NEGR1: variants seen among roughly 807,000 people sequenced by gnomAD.
NEGR1 encodes neuronal growth regulator 1, also known as IgLON family member 4.
Under a neutral mutation model 40.9 loss-of-function variants are expected in NEGR1, and 10 were observed. That is an observed-to-expected ratio of 0.24 (90% CI 0.15 to 0.42). The LOEUF (loss-of-function observed/expected upper bound fraction) is 0.42. Ranked by LOEUF, NEGR1 falls within the 10% of genes least tolerant of loss-of-function variation. NEGR1 has a pLI of 1.00. For missense variants in NEGR1, 352 were observed against 438.9 expected (o/e 0.80, Z 1.77); for synonymous variants, 185 against 166.8 (o/e 1.11, Z -0.84).
At chr1:71,802,678 A>G (rs1657604379) in intron 2 of NEGR1, among the ~76,000 whole-genome samples, 1 of 152,186 alleles carries the variant, frequency 6.6e-6, no homozygotes, top group South Asian at 2.1e-4. Flanking sequence ...AGTATTCTTA[A>G]GCCTTAAGAT....
intron 4 of NEGR1, among the ~76,000 whole-genome samples, chr1:71,690,020 T>A (rs987268975): frequency 6.6e-6 from 1 of 152,066 alleles, no homozygotes; most frequent in Admixed American, 6.6e-5. Flanking sequence ...ACAATTTGGA[T>A]GCTTTTGTCC....
At chr1:71,753,368 T>C (rs1303880508) in intron 3 of NEGR1, among the ~76,000 whole-genome samples, 1 of 152,156 alleles carries the variant, frequency 6.6e-6, no homozygotes, top group Non-Finnish European at 1.5e-5. Context: ...GGTAGAAGTA[T>C]ATTCAGCTCT....
intron 1 of NEGR1, among the ~76,000 whole-genome samples, chr1:72,070,658 T>G (rs2200484): frequency 1.3e-5 from 2 of 151,760 alleles, no homozygotes; most frequent in African/African-American, 2.4e-5. Context: ...TAACGCCATG[T>G]ATGTGAACAT....
chr1:71,831,614 C>A (rs1031808879), intron 2 of NEGR1, among the ~76,000 whole-genome samples: 1 of 151,844 alleles, frequency 6.6e-6, no homozygotes, highest in African/African-American at 2.4e-5. Context: ...GAGACACAAT[C>A]CTGTAAGCAG....
At chr1:71,524,388 T>G (rs181725462) in intron 6 of NEGR1, among the ~76,000 whole-genome samples, 16 of 150,462 alleles carry the variant, frequency 1.1e-4, no homozygotes, top group African/African-American at 2.9e-4. Context: ...TATTGTAAAA[T>G]TATTGGTAAT....
chr1:72,175,745 T>C (rs1380522272), intron 1 of NEGR1, among the ~76,000 whole-genome samples: 1 of 151,996 alleles, frequency 6.6e-6, no homozygotes, highest in Non-Finnish European at 1.5e-5. Flanking sequence ...AAATTATTAA[T>C]AATAATTTTA....
intron 6 of NEGR1, among the ~76,000 whole-genome samples, chr1:71,490,484 A>G (rs1437160052): frequency 6.6e-6 from 1 of 152,052 alleles, no homozygotes; most frequent in East Asian, 1.9e-4. Context: ...ATTGATAGAC[A>G]TATAATGTAG....
intron 2 of NEGR1, among the ~76,000 whole-genome samples, chr1:71,801,201 C>A (rs983799574): frequency 6.6e-6 from 1 of 152,146 alleles, no homozygotes; most frequent in African/African-American, 2.4e-5. Context: ...CTTTACTGGC[C>A]TCTCTTTGCC....
chr1:71,474,717 C>CAAA (rs56219737), intron 6 of NEGR1, among the ~76,000 whole-genome samples: 156 of 85,882 alleles, frequency 1.8e-3, no homozygotes, highest in East Asian at 2.1e-3. Flanking sequence ...GACTCTATCT[C>CAAA]AAAAAAAAAA....
chr1:71,544,219 G>T, intron 6 of NEGR1, among the ~76,000 whole-genome samples: 1 of 151,652 alleles, frequency 6.6e-6, no homozygotes, highest in East Asian at 2.0e-4. Context: ...CATTTAAGTA[G>T]TATATATTTT....
At chr1:71,589,660 C>T (rs970926848) in intron 6 of NEGR1, among the ~76,000 whole-genome samples, 7 of 152,064 alleles carry the variant, frequency 4.6e-5, no homozygotes, top group African/African-American at 1.4e-4. Flanking sequence ...CCTTTTCTTG[C>T]CAGATTTGGT....
intron 2 of NEGR1, among the ~76,000 whole-genome samples, chr1:71,783,012 G>A (rs1017358318): frequency 6.6e-6 from 1 of 150,740 alleles, no homozygotes; most frequent in African/African-American, 2.4e-5. Context: ...TTTACTTTTG[G>A]ATCTTTGCAA....
intron 1 of NEGR1, among the ~76,000 whole-genome samples, chr1:72,071,201 A>G (rs1431766920): frequency 6.6e-6 from 1 of 152,114 alleles, no homozygotes; most frequent in Admixed American, 6.6e-5. Context: ...AAAGTCAGAC[A>G]TGTTGAATAT....
intron 1 of NEGR1, among the ~76,000 whole-genome samples, chr1:72,188,020 C>A (rs1652674001): frequency 6.6e-6 from 1 of 151,286 alleles, no homozygotes; most frequent in South Asian, 2.1e-4. Flanking sequence ...ATACTCTCAC[C>A]CATATTCAAA....
chr1:72,152,906 T>G (rs1028282252), intron 1 of NEGR1, among the ~76,000 whole-genome samples: 5 of 151,978 alleles, frequency 3.3e-5, no homozygotes, highest in Non-Finnish European at 7.4e-5. Flanking sequence ...CCATGTGTTC[T>G]TACTTGTAAG....
At chr1:72,025,298 C>T (rs1334776102) in intron 1 of NEGR1, among the ~76,000 whole-genome samples, 1 of 152,092 alleles carries the variant, frequency 6.6e-6, no homozygotes, top group Non-Finnish European at 1.5e-5. Flanking sequence ...GAGTTTTATT[C>T]TGAAGCCAAA....
In NEGR1 at chr1:71,397,034, C is replaced by G. The variant is rs1646216957; in HGVS notation, c.*10412G>C. On this transcript the variant is annotated 3_prime_UTR_variant, in exon 7 of 7. Coordinates refer to ENST00000357731, the MANE Select transcript of NEGR1 (RefSeq NM_173808.3). ...CAGGAAAATGTGGGAAAGTTTGGAA[C>G]TTCCTAGAGACTTGTTGAATGGTTT... The G allele has an allele frequency of 6.5e-6, 1 of 154,764 alleles. No homozygotes were observed. Among genetic ancestry groups the G allele is most frequent in the Admixed American group, 6.5e-5 (1 of 15,328 alleles). 9.6% of individuals were successfully genotyped at this position (154,764 alleles called of 1,614,324 possible).
At chr1:72,189,083 A>G (rs1652719662) in intron 1 of NEGR1, among the ~76,000 whole-genome samples, 1 of 151,520 alleles carries the variant, frequency 6.6e-6, no homozygotes, top group Non-Finnish European at 1.5e-5. Flanking sequence ...CTTGATGCCC[A>G]CTGTCTCATT....
intron 1 of NEGR1, among the ~76,000 whole-genome samples, chr1:72,081,920 C>T (rs1648015996): frequency 6.6e-6 from 1 of 152,038 alleles, no homozygotes; most frequent in East Asian, 1.9e-4. Flanking sequence ...ATGCGAATGA[C>T]TGTATCAAGT....
Sources: allele counts gnomAD v4.1 joint callset (sites outside exome capture counted in the v4.1 genomes callset), GRCh38; gene constraint gnomAD v4.1.1; transcripts MANE v1.5; gene names NCBI Gene and HGNC (gene_info 2026-07-23, HGNC 2026-07-21).